The following SMARCAD1 variants were observed in gnomAD, a reference collection of about 807,000 sequenced individuals.
SMARCAD1 encodes SWI/SNF-related matrix-associated actin-dependent regulator of chromatin subfamily A containing DEAD/H box 1.
In SMARCAD1, 25 loss-of-function variants were observed where a neutral mutation model predicts 127.1. The ratio of observed to expected loss-of-function variants is 0.20; its 90% CI spans 0.14 to 0.27. SMARCAD1 has a LOEUF of 0.27. SMARCAD1 is among the 10% of genes least tolerant of loss of function. The pLI is 1.00. For missense variants in SMARCAD1, 807 were observed against 1,206.0 expected (o/e 0.67, Z 4.90); for synonymous variants, 400 against 396.9 (o/e 1.01, Z -0.09).
chr4:94,288,706 A>G (rs959912284), intron 23 of SMARCAD1, among the ~76,000 whole-genome samples: 3 of 152,134 alleles, frequency 2.0e-5, no homozygotes, highest in African/African-American at 7.2e-5. Context: ...GCCACATCTA[A>G]TTTATAAAAT....
At chr4:94,234,221 T>C in intron 4 of SMARCAD1, 99 bp downstream of exon 4, 3 of 1,101,412 alleles carry the variant, frequency 2.7e-6, no homozygotes, top group Non-Finnish European at 4.0e-6. Flanking sequence ...AAAGATATCT[T>C]ACGTTTGAAG....
chr4:94,264,303 A>G (rs553345863), intron 9 of SMARCAD1, among the ~76,000 whole-genome samples: 1 of 152,116 alleles, frequency 6.6e-6, no homozygotes, highest in African/African-American at 2.4e-5. Context: ...ATTTGCAGTG[A>G]CTACATTTGA....
At position 94,276,483 on chromosome 4, in the gene SMARCAD1, ATGTT is replaced by A. The variant is rs774496200; in HGVS notation, c.1944+13_1944+16del. The A allele has an allele frequency of 2.7e-5, 43 of 1,613,874 alleles. No homozygotes were observed. The highest frequency in any genetic ancestry group is 3.1e-5 in the Non-Finnish European group (37 of 1,179,974). ...ACCTTATGACAATTAATGTAAGAGA[ATGTT>A]TGTAAAGTTTTCCAAATTACTGTAA... is the stretch of plus-strand genomic sequence containing the variant. On this transcript the variant is annotated intron_variant, in intron 15 of 23. Transcript: ENST00000354268.
At chr4:94,225,399 C>G (rs1415248706) in intron 2 of SMARCAD1, among the ~76,000 whole-genome samples, 3 of 152,122 alleles carry the variant, frequency 2.0e-5, no homozygotes, top group Admixed American at 2.0e-4. Context: ...ATATTGGACT[C>G]AGAGCCCATC....
chr4:94,240,896 G>C lies in SMARCAD1; in HGVS notation c.605-10G>C. ...GTGCAAAGTTTGAGTGTGCTGCTCT[G>C]CTTTAAAAGGTGGTGGGCCCAGGAA... On this transcript the variant is annotated splice_polypyrimidine_tract_variant and intron_variant, in intron 5 of 23. Coordinates refer to ENST00000354268, the MANE Select transcript of SMARCAD1 (RefSeq NM_020159.5). 1 of 1,607,868 alleles carries C rather than the reference G, an allele frequency of 6.2e-7. No individual in the cohort carries two copies. The highest frequency in any genetic ancestry group is 1.1e-5 in the South Asian group (1 of 90,852).
At chr4:94,246,103 C>A (rs1039694238) in intron 6 of SMARCAD1, among the ~76,000 whole-genome samples, 1 of 151,362 alleles carries the variant, frequency 6.6e-6, no homozygotes, top group African/African-American at 2.4e-5. Context: ...GGGCCCCATT[C>A]ATAACTGACA....
chr4:94,231,165 TTTTG>T (rs1382989112), intron 3 of SMARCAD1, among the ~76,000 whole-genome samples: 1 of 152,128 alleles, frequency 6.6e-6, no homozygotes, highest in Non-Finnish European at 1.5e-5. Flanking sequence ...GAATGGGGTT[TTTTG>T]TTTGTTTTTT....
chr4:94,278,716 A>C lies in SMARCAD1; in HGVS notation c.2279A>C (p.Lys760Thr). Residue 760 changes from lysine (K) to threonine (T), a missense_variant, in exon 18 of 24, where the codon AAA becomes ACA. Lys to Thr is a moderately conservative substitution (Grantham distance 78). This residue lies in a region of SMARCAD1 where 99 missense variants were observed against 126.0 expected (regional missense o/e 0.79). Coordinates refer to ENST00000354268, the MANE Select transcript of SMARCAD1 (RefSeq NM_020159.5). ...LYLGLFNRLK[K>T]SINNLEKNTE... ...TTGGGTCTTTTCAACAGATTGAAAA[A>C]ATCTATCAATAACTTGGGTATAATC... 6.2e-7 allele frequency: 1 copy of C among 1,613,838 alleles called. No individual in the cohort carries two copies. Among genetic ancestry groups the C allele is most frequent in the Non-Finnish European group, 8.5e-7 (1 of 1,179,782 alleles).
chr4:94,253,812 T>A (rs1263807361), intron 9 of SMARCAD1: 3 of 621,668 alleles, frequency 4.8e-6, no homozygotes, highest in Non-Finnish European at 6.0e-6. Context: ...AACTCTTAAA[T>A]TTTGCTTCAA....
intron 2 of SMARCAD1, among the ~76,000 whole-genome samples, chr4:94,215,701 A>G (rs909378582): frequency 6.6e-6 from 1 of 152,080 alleles, no homozygotes; most frequent in Non-Finnish European, 1.5e-5. Context: ...AAATTTCACT[A>G]GTTTGTATCA....
chr4:94,277,685 A>G (rs937486778), intron 16 of SMARCAD1, among the ~76,000 whole-genome samples: 16 of 152,206 alleles, frequency 1.1e-4, no homozygotes, highest in African/African-American at 1.7e-4. Flanking sequence ...ATAGTCTTCA[A>G]GAACTCCCAG....
At chr4:94,261,775 A>AT (rs1163285554) in intron 9 of SMARCAD1, among the ~76,000 whole-genome samples, 1 of 151,930 alleles carries the variant, frequency 6.6e-6, no homozygotes, top group African/African-American at 2.4e-5. Flanking sequence ...ACACCGGCTA[A>AT]TTTTTTGTAT....
chr4:94,273,772 A>G, intron 12 of SMARCAD1, 56 bp downstream of exon 12: 1 of 1,382,770 alleles, frequency 7.2e-7, no homozygotes. Flanking sequence ...TATAGGTAGA[A>G]GAGAGTGTGT....
Position 94,270,693 on chromosome 4 carries a change from A to G in SMARCAD1, c.1482-35A>G, listed in dbSNP as rs756007376. 10 of 1,526,954 alleles carry G rather than the reference A, an allele frequency of 6.5e-6. No individual in the cohort carries two copies. In the African/African-American group the frequency reaches 9.6e-5, roughly 15 times the overall value. 94.6% of individuals were successfully genotyped at this position (1,526,954 alleles called of 1,614,324 possible). ...ACTAATAGAAAACTGATAGAAATAT[A>G]GATGTGTAATATTTGGTAACTCTCT... On this transcript the variant is annotated intron_variant, in intron 10 of 23. Transcript: ENST00000354268.
chr4:94,236,747 A>G (rs1746716709), intron 4 of SMARCAD1, among the ~76,000 whole-genome samples: 2 of 152,200 alleles, frequency 1.3e-5, no homozygotes, highest in South Asian at 4.1e-4. Flanking sequence ...TCAACCTGAT[A>G]CATTTTAAAA....
chr4:94,218,606 A>T (rs1252703615), intron 2 of SMARCAD1, among the ~76,000 whole-genome samples: 1 of 151,860 alleles, frequency 6.6e-6, no homozygotes, highest in East Asian at 1.9e-4. Flanking sequence ...CTTTCTTTTG[A>T]CTTAAATTTG....
chr4:94,264,234 T>TA (rs1751420074), intron 9 of SMARCAD1, among the ~76,000 whole-genome samples: 1 of 151,958 alleles, frequency 6.6e-6, no homozygotes, highest in Non-Finnish European at 1.5e-5. Context: ...AAATATCTTT[T>TA]AAGATTAATC....
Position 94,237,312 on chromosome 4 carries a change from A to T in SMARCAD1, c.604+294A>T, listed in dbSNP as rs572013259. On this transcript the variant is annotated intron_variant, in intron 5 of 23. Coordinates refer to ENST00000354268, the MANE Select transcript of SMARCAD1 (RefSeq NM_020159.5). ...TTGTGGTTTTATTATAGGTTTACGA[A>T]TCTTAGTAGGAACATAATGTCTTAG... Among the ~76,000 whole-genome samples, 4 of 152,184 alleles carry T rather than the reference A, an allele frequency of 2.6e-5. No individual in the cohort carries two copies. In the South Asian group the frequency reaches 8.3e-4, roughly 32 times the overall value.
chr4:94,231,387 A>T (rs958803283), intron 3 of SMARCAD1, among the ~76,000 whole-genome samples: 4 of 152,230 alleles, frequency 2.6e-5, no homozygotes, highest in African/African-American at 9.6e-5. Context: ...TTTGTCTTTA[A>T]CAGGAAGGAA....
Sources: allele counts gnomAD v4.1 joint callset (sites outside exome capture counted in the v4.1 genomes callset), GRCh38; gene constraint gnomAD v4.1.1; regional missense constraint gnomAD v4.1.1; transcripts MANE v1.5; gene names NCBI Gene and HGNC (gene_info 2026-07-23, HGNC 2026-07-21).